ANGPT1: variants seen among roughly 807,000 people sequenced by gnomAD.
The protein encoded by ANGPT1 is angiopoietin-1.
In ANGPT1, 17 loss-of-function variants were observed where a neutral mutation model predicts 62.2. The ratio of observed to expected loss-of-function variants is 0.27; its 90% CI spans 0.19 to 0.41. ANGPT1 has a LOEUF of 0.41. ANGPT1 is among the 10% of genes least tolerant of loss of function. ANGPT1 has a pLI of 1.00. For synonymous variants in ANGPT1, 199 were observed against 198.9 expected (o/e 1.00, Z 0.00); for missense variants, 478 against 594.9 (o/e 0.80, Z 2.04).
At chr8:107,299,745 ATATCTAGATATG>A (rs1814524411) in intron 5 of ANGPT1, among the ~76,000 whole-genome samples, 1 of 117,786 alleles carries the variant, frequency 8.5e-6, no homozygotes, top group African/African-American at 3.8e-5. Context: ...GATATACTAT[ATATCTAGATATG>A]TAGTTATATC....
chr8:107,421,918 A>G (rs1810906137), intron 1 of ANGPT1, among the ~76,000 whole-genome samples: 1 of 152,092 alleles, frequency 6.6e-6, no homozygotes, highest in South Asian at 2.1e-4. Flanking sequence ...CTGGGACATT[A>G]TTATTTGTAA....
chr8:107,297,255 C>T, intron 5 of ANGPT1, among the ~76,000 whole-genome samples: 1 of 151,980 alleles, frequency 6.6e-6, no homozygotes, highest in East Asian at 1.9e-4. Flanking sequence ...ATGATAACAG[C>T]TGCTCTTTGT....
intron 8 of ANGPT1, among the ~76,000 whole-genome samples, chr8:107,253,587 C>T (rs1346665530): frequency 6.6e-6 from 1 of 152,172 alleles, no homozygotes; most frequent in East Asian, 1.9e-4. Context: ...CATGGTCTCT[C>T]AAGCAAACAC....
At chr8:107,482,017 A>T (rs187242390) in intron 1 of ANGPT1, among the ~76,000 whole-genome samples, 151 of 152,344 alleles carry the variant, frequency 9.9e-4, no homozygotes, top group Non-Finnish European at 1.8e-3. Flanking sequence ...GACTGCATTG[A>T]TAATGATTAA....
chr8:107,266,355 CAA>C (rs1266789180), intron 7 of ANGPT1, among the ~76,000 whole-genome samples: 1 of 152,164 alleles, frequency 6.6e-6, no homozygotes, highest in East Asian at 1.9e-4. Context: ...GCAAAACTAA[CAA>C]GAGACTTTTG....
chr8:107,435,900 C>T (rs1563621754), intron 1 of ANGPT1, among the ~76,000 whole-genome samples: 4 of 152,052 alleles, frequency 2.6e-5, no homozygotes. Flanking sequence ...TACAATTTTA[C>T]TGATTGATTG....
chr8:107,253,425 A>G (rs1408060766), intron 8 of ANGPT1, among the ~76,000 whole-genome samples: 1 of 152,204 alleles, frequency 6.6e-6, no homozygotes, highest in African/African-American at 2.4e-5. Flanking sequence ...TATTTGCCCA[A>G]AAGACTCTTT....
At chr8:107,367,122 T>A (rs536319429) in intron 1 of ANGPT1, among the ~76,000 whole-genome samples, 85 of 152,292 alleles carry the variant, frequency 5.6e-4, no homozygotes, top group Non-Finnish European at 1.0e-3. Context: ...ATATTTGCTA[T>A]TTTAAGCTAC....
intron 4 of ANGPT1, among the ~76,000 whole-genome samples, chr8:107,321,632 C>T (rs886637711): frequency 3.3e-5 from 5 of 152,066 alleles, no homozygotes; most frequent in Non-Finnish European, 7.4e-5. Flanking sequence ...CAGATTTTAT[C>T]TAAGGTTAAA....
In ANGPT1 at chr8:107,346,454, A is replaced by G. The variant is rs551297853; in HGVS notation, c.453+488T>C. 1.3e-3 allele frequency among the ~76,000 whole-genome samples: 202 copies of G among 152,304 alleles called. 2 individuals are homozygous for G. Among genetic ancestry groups the G allele is most frequent in the Middle Eastern group, 6.8e-3 (2 of 294 alleles). On this transcript the variant is annotated intron_variant, in intron 2 of 8. Coordinates refer to ENST00000517746, the MANE Select transcript of ANGPT1 (RefSeq NM_001146.5). ...TCGTTGGTACTCAAATAAGTACATC[A>G]TTGGCCCTAATAGGTAGATATATGT... is the stretch of plus-strand genomic sequence containing the variant.
intron 1 of ANGPT1, among the ~76,000 whole-genome samples, chr8:107,399,340 T>C (rs1179028882): frequency 6.6e-6 from 1 of 152,186 alleles, no homozygotes; most frequent in Non-Finnish European, 1.5e-5. Flanking sequence ...AAACTTTCTC[T>C]GAAAACAGGA....
intron 1 of ANGPT1, among the ~76,000 whole-genome samples, chr8:107,383,619 A>G (rs1816680201): frequency 6.6e-6 from 1 of 152,158 alleles, no homozygotes; most frequent in Non-Finnish European, 1.5e-5. Flanking sequence ...CCTTTTTAAA[A>G]ACCCATAGAA....
chr8:107,475,448 A>C (rs1812492332), intron 1 of ANGPT1, among the ~76,000 whole-genome samples: 1 of 152,226 alleles, frequency 6.6e-6, no homozygotes, highest in Non-Finnish European at 1.5e-5. Flanking sequence ...AGATGGATTA[A>C]AGACTTAACC....
chr8:107,311,025 G>A (rs1167612470), intron 4 of ANGPT1, among the ~76,000 whole-genome samples: 1 of 151,310 alleles, frequency 6.6e-6, no homozygotes, highest in Non-Finnish European at 1.5e-5. Context: ...ATGTGAGTGT[G>A]TGTGAGTGTG....
At chr8:107,267,125 C>G (rs1813632490) in intron 7 of ANGPT1, among the ~76,000 whole-genome samples, 1 of 152,028 alleles carries the variant, frequency 6.6e-6, no homozygotes, top group Non-Finnish European at 1.5e-5. Flanking sequence ...CTTCTGCCCA[C>G]AGCCCCATTT....
intron 1 of ANGPT1, among the ~76,000 whole-genome samples, chr8:107,361,846 G>T (rs1036991052): frequency 1.3e-5 from 2 of 151,988 alleles, no homozygotes; most frequent in East Asian, 3.9e-4. Context: ...ATCACCTGAG[G>T]TCAGGAGTTC....
At chr8:107,404,257 C>A (rs2130339204) in intron 1 of ANGPT1, among the ~76,000 whole-genome samples, 1 of 152,178 alleles carries the variant, frequency 6.6e-6, no homozygotes, top group South Asian at 2.1e-4. Flanking sequence ...CATTTTAAAT[C>A]ATTCTAATTC....
chr8:107,465,271 T>A (rs1025920477), intron 1 of ANGPT1, among the ~76,000 whole-genome samples: 1 of 152,134 alleles, frequency 6.6e-6, no homozygotes, highest in Non-Finnish European at 1.5e-5. Flanking sequence ...AAATGCATTG[T>A]TAAAGAAAAG....
At chr8:107,321,637 G>A (rs1005477462) in intron 4 of ANGPT1, among the ~76,000 whole-genome samples, 3 of 152,030 alleles carry the variant, frequency 2.0e-5, no homozygotes, top group African/African-American at 7.2e-5. Context: ...TTTATCTAAG[G>A]TTAAAAGACA....
Sources: gnomAD v4.1 joint callset for allele counts (sites outside exome capture counted in the v4.1 genomes callset) on GRCh38, gnomAD v4.1.1 for gene constraint, MANE v1.5 for transcripts, NCBI Gene and HGNC (gene_info 2026-07-23, HGNC 2026-07-21) for gene names.